LRRC8D: variants seen among roughly 807,000 people sequenced by gnomAD.
LRRC8D encodes the protein leucine rich repeat containing 8 VRAC subunit D, also known as volume-regulated anion channel subunit LRRC8D.
In LRRC8D, 20 loss-of-function variants were observed where a neutral mutation model predicts 55.8. The observed-to-expected ratio is 0.36, with a 90% confidence interval of 0.25 to 0.52. LRRC8D has a LOEUF of 0.52. Ranked by LOEUF, LRRC8D falls within the 20% of genes least tolerant of loss-of-function variation. The probability of loss-of-function intolerance (pLI) is 0.93; values close to 1 mark genes in which losing one functional copy is unlikely to be tolerated. For missense variants in LRRC8D, 651 were observed against 1,030.8 expected (o/e 0.63, Z 5.05); for synonymous variants, 352 against 377.0 (o/e 0.93, Z 0.77).
chr1:89,924,510 A>G (rs1459859109), intron 2 of LRRC8D, among the ~76,000 whole-genome samples: 2 of 152,204 alleles, frequency 1.3e-5, no homozygotes, highest in Non-Finnish European at 2.9e-5. Context: ...CAGTGTGTAG[A>G]CTTCTCAAAA....
intron 2 of LRRC8D, among the ~76,000 whole-genome samples, chr1:89,893,880 T>C (rs1662638302): frequency 6.6e-6 from 1 of 152,224 alleles, no homozygotes; most frequent in Non-Finnish European, 1.5e-5. Flanking sequence ...ATTGGTGATG[T>C]GAGTTTTTGA....
In LRRC8D at chr1:89,936,286, T is replaced by C. The variant is rs1663854418; in HGVS notation, c.*641T>C. Reference sequence around the variant, plus strand: ...TTTAGGGGTTTTGTTTTTTTAAGAATAAGTAACAAGAAATAACACATTTCT... The same window carrying C: ...TTTAGGGGTTTTGTTTTTTTAAGAACAAGTAACAAGAAATAACACATTTCT... On this transcript the variant is annotated 3_prime_UTR_variant, in exon 3 of 3. Coordinates refer to ENST00000337338, the MANE Select transcript of LRRC8D (RefSeq NM_001134479.2). 6.0e-6 allele frequency: 1 copy of C among 167,072 alleles called. No homozygotes were observed. The highest frequency in any genetic ancestry group is 2.1e-4 in the South Asian group (1 of 4,836). The allele number at this position is 167,072 out of a possible 1,614,324, so 10.3% of individuals were successfully genotyped here.
At chr1:89,863,638 A>G (rs1034944280) in intron 2 of LRRC8D, among the ~76,000 whole-genome samples, 10 of 147,412 alleles carry the variant, frequency 6.8e-5, no homozygotes, top group African/African-American at 2.6e-4. Context: ...CTTTCATGTG[A>G]TATTTTCTGT....
rs771986925 is a variant in LRRC8D at position 89,933,695 on chromosome 1, G to A, written c.627G>A (p.Thr209=). 9 of 1,614,086 alleles carry A rather than the reference G, an allele frequency of 5.6e-6. No individual in the cohort carries two copies. In the Middle Eastern group the frequency reaches 6.6e-4, roughly 118 times the overall value. ...ILGKCFESPW[T]TKALSETACE... ...GAAAGTGCTTTGAATCCCCTTGGAC[G>A]ACAAAAGCGTTGTCTGAGACAGCAT... Residue 209 remains threonine (T), a synonymous_variant, in exon 3 of 3, where the codon ACG becomes ACA. Transcript: ENST00000337338. This position sits in a 1 kb window ranked among gnomAD's most constrained non-coding sequence, Gnocchi z 7.0.
intron 2 of LRRC8D, among the ~76,000 whole-genome samples, chr1:89,909,217 A>T (rs1663071536): frequency 1.3e-5 from 2 of 152,214 alleles, no homozygotes; most frequent in African/African-American, 4.8e-5. Context: ...TGTAATTTAT[A>T]TCTGTGGTAT....
chr1:89,845,286 T>G (rs1256623633), intron 2 of LRRC8D, among the ~76,000 whole-genome samples: 2 of 152,206 alleles, frequency 1.3e-5, no homozygotes, highest in East Asian at 3.8e-4. Flanking sequence ...TACATGGCAT[T>G]AAGTAGCCAA....
In LRRC8D at chr1:89,923,579, AC is replaced by A. The variant is rs144418676; in HGVS notation, c.-2-9487del. ...TCATTTTTCACAGAATTAGAAAAAA[AC>A]GATTCTAAAATTCATATGGAACCCA... is the stretch of plus-strand genomic sequence containing the variant. On this transcript the variant is annotated intron_variant, in intron 2 of 2. Transcript: ENST00000337338. Among the ~76,000 whole-genome samples, 395 of 152,350 alleles carry A rather than the reference AC, an allele frequency of 2.6e-3. 1 individual carries two copies. Among genetic ancestry groups the A allele is most frequent in the African/African-American group, 9.1e-3 (380 of 41,584 alleles).
Position 89,843,723 on chromosome 1 carries a change from C to G in LRRC8D, c.-62C>G. ...GTCGCCGTGGTTCCAGCCTCCGGAG[C>G]TCGCCCAAGCCGCGTCCCCAGAGAG... On this transcript the variant is annotated 5_prime_UTR_variant, in exon 2 of 3. Transcript: ENST00000337338. 1.4e-6 allele frequency: 1 copy of G among 701,812 alleles called. No individual in the cohort carries two copies. The highest frequency in any genetic ancestry group is 2.6e-6 in the Non-Finnish European group (1 of 384,532). The allele number at this position is 701,812 out of a possible 1,614,324, so 43.5% of individuals were successfully genotyped here. A position where few individuals can be genotyped will look rare whatever the true frequency, so the allele number is the denominator to read the frequency against.
intron 2 of LRRC8D, among the ~76,000 whole-genome samples, chr1:89,874,029 G>A (rs899554132): frequency 1.3e-5 from 2 of 152,194 alleles, no homozygotes; most frequent in African/African-American, 4.8e-5. Context: ...TCACAAATGG[G>A]ATAGTCTAAG....
chr1:89,866,828 G>A (rs1661861983), intron 2 of LRRC8D, among the ~76,000 whole-genome samples: 1 of 152,068 alleles, frequency 6.6e-6, no homozygotes, highest in Non-Finnish European at 1.5e-5. Context: ...GAGAGAGCAG[G>A]GCAGCAAGGA....
At chr1:89,872,189 G>T (rs781031771) in intron 2 of LRRC8D, among the ~76,000 whole-genome samples, 1 of 152,234 alleles carries the variant, frequency 6.6e-6, no homozygotes, top group Non-Finnish European at 1.5e-5. Flanking sequence ...AGTAGCAAGC[G>T]TTGTGCAAAC....
chr1:89,902,244 T>C (rs923786666), intron 2 of LRRC8D, among the ~76,000 whole-genome samples: 3 of 152,286 alleles, frequency 2.0e-5, no homozygotes, highest in African/African-American at 7.2e-5. Flanking sequence ...GAAGAGAAGA[T>C]GGAGGAAAGT....
intron 2 of LRRC8D, among the ~76,000 whole-genome samples, chr1:89,929,240 G>T (rs749441194): frequency 2.6e-5 from 4 of 152,232 alleles, no homozygotes; most frequent in Non-Finnish European, 4.4e-5. Context: ...CATACTAGGA[G>T]ATCAGGGAAG....
intron 2 of LRRC8D, among the ~76,000 whole-genome samples, chr1:89,930,384 G>A (rs1465945823): frequency 1.3e-5 from 2 of 152,050 alleles, no homozygotes; most frequent in Non-Finnish European, 2.9e-5. Flanking sequence ...AGTAGAGATG[G>A]GGTTTCACCA....
At chr1:89,908,369 T>C (rs1211518807) in intron 2 of LRRC8D, among the ~76,000 whole-genome samples, 1 of 152,184 alleles carries the variant, frequency 6.6e-6, no homozygotes, top group Non-Finnish European at 1.5e-5. Flanking sequence ...CGAGACTAAG[T>C]ATTTCAACCA....
chr1:89,933,634 C>T lies in LRRC8D; in HGVS notation c.566C>T (p.Thr189Ile), dbSNP rs1557490803. The T allele has an allele frequency of 6.2e-7, 1 of 1,614,122 alleles. No homozygotes were observed. Among genetic ancestry groups the T allele is most frequent in the Non-Finnish European group, 8.5e-7 (1 of 1,179,994 alleles). Residue 189 changes from threonine to isoleucine, a missense_variant, in exon 3 of 3, where the codon ACA (threonine) becomes ATA (isoleucine). Physicochemically the swap from Thr to Ile is moderately conservative, Grantham distance 89 (BLOSUM62 -1). Around this residue, in one of 5 missense-constraint regions of LRRC8D, gnomAD observed 178 missense variants for 374.9 expected, o/e 0.47. Coordinates refer to ENST00000337338, the MANE Select transcript of LRRC8D (RefSeq NM_001134479.2). This position sits in a 1 kb window ranked among gnomAD's most constrained non-coding sequence, Gnocchi z 7.0. The stretch of plus-strand genomic sequence containing the variant: ...AACTTTTGGTTCAAATATCCCAAAA[C>T]ATGCTCAAAAGTAGAACATTTTGTT... ...SSNFWFKYPKTCSKVEHFVSI... is the reference protein window; with the variant it reads ...SSNFWFKYPKICSKVEHFVSI...
chr1:89,828,456 TTTTTG>T (rs1275193576), intron 1 of LRRC8D, among the ~76,000 whole-genome samples: 1 of 151,986 alleles, frequency 6.6e-6, no homozygotes, highest in Non-Finnish European at 1.5e-5. Flanking sequence ...AGAGTCTGGT[TTTTTG>T]TTTTGTTTTT....
At chr1:89,873,835 A>G (rs1320242556) in intron 2 of LRRC8D, among the ~76,000 whole-genome samples, 2 of 152,226 alleles carry the variant, frequency 1.3e-5, no homozygotes, top group Non-Finnish European at 2.9e-5. Context: ...CCGTTTGATA[A>G]TGAACGACCT....
rs557842449 is a variant in LRRC8D, at chr1:89,890,229, C to G, written c.-2-42838C>G. 9.9e-5 allele frequency among the ~76,000 whole-genome samples: 15 copies of G among 152,114 alleles called. No homozygotes were observed. The South Asian group carries it at 3.1e-3, about 32-fold the overall frequency. ...AAATAAAATAAAAGCCTTGAGGATTCCAAAAACATTGTAGGAGAGGGCAGC... is the reference window on the plus strand; with the variant it reads ...AAATAAAATAAAAGCCTTGAGGATTGCAAAAACATTGTAGGAGAGGGCAGC... On this transcript the variant is annotated intron_variant, in intron 2 of 2. Coordinates refer to ENST00000337338, the MANE Select transcript of LRRC8D (RefSeq NM_001134479.2).
Sources: allele counts gnomAD v4.1 joint callset (sites outside exome capture counted in the v4.1 genomes callset), GRCh38; gene constraint gnomAD v4.1.1; regional missense constraint gnomAD v4.1.1; non-coding constraint Gnocchi (gnomAD v3.1); transcripts MANE v1.5; gene names NCBI Gene and HGNC (gene_info 2026-07-23, HGNC 2026-07-21).